CHST10: variants seen among roughly 807,000 people sequenced by gnomAD.
CHST10 encodes the protein HNK-1 sulfotransferase.
A neutral mutation model predicts 34.7 loss-of-function variants in CHST10; 24 were observed. The ratio of observed to expected loss-of-function variants is 0.69; its 90% CI spans 0.50 to 0.97. The LOEUF is 0.97. CHST10 is among the 50% of genes least tolerant of loss of function. CHST10 has a pLI of 0.00. For synonymous variants in CHST10, 161 were observed against 169.3 expected (o/e 0.95, Z 0.38); for missense variants, 402 against 452.1 (o/e 0.89, Z 1.00).
chr2:100,394,334 G>C (rs1288791240), intron 6 of CHST10, among the ~76,000 whole-genome samples: 1 of 152,194 alleles, frequency 6.6e-6, no homozygotes, highest in Non-Finnish European at 1.5e-5. Flanking sequence ...TGGCCCTGGG[G>C]AGGAGGGCCG....
At chr2:100,410,503 C>T (rs959395855) in intron 2 of CHST10, among the ~76,000 whole-genome samples, 1 of 152,224 alleles carries the variant, frequency 6.6e-6, no homozygotes, top group Non-Finnish European at 1.5e-5. Flanking sequence ...TGCTGAATGA[C>T]TGTGTCAATT....
intron 2 of CHST10, chr2:100,408,230 G>A (rs559725975): frequency 6.6e-6 from 1 of 151,528 alleles, no homozygotes; most frequent in South Asian, 2.1e-4. Flanking sequence ...TTAACCGAGT[G>A]TACTGTAGTT....
At chr2:100,399,673 C>G (rs951245440) in intron 4 of CHST10, among the ~76,000 whole-genome samples, 1 of 152,146 alleles carries the variant, frequency 6.6e-6, no homozygotes, top group Admixed American at 6.5e-5. Context: ...CCCCTCAGGG[C>G]CCCCCACCCA....
At chr2:100,399,759 T>A (rs1203107436) in intron 4 of CHST10, among the ~76,000 whole-genome samples, 1 of 152,166 alleles carries the variant, frequency 6.6e-6, no homozygotes, top group Non-Finnish European at 1.5e-5. Flanking sequence ...TTCTCCCTTG[T>A]GTGTTTAAGT....
At chr2:100,397,877 C>T (rs777489160) in intron 5 of CHST10, 31 bp downstream of exon 5, 1 of 1,564,402 alleles carries the variant, frequency 6.4e-7, no homozygotes, top group East Asian at 2.2e-5. Flanking sequence ...CAAGACCCTT[C>T]CCAGTGGACA....
In CHST10 at chr2:100,399,088, ATCTC is replaced by A. The variant is rs1308325968; in HGVS notation, c.193-950_193-947del. Among the ~76,000 whole-genome samples the A allele has an allele frequency of 1.3e-4, 19 of 142,912 alleles. 1 individual carries two copies. The highest frequency in any genetic ancestry group is 6.5e-4 in the East Asian group (3 of 4,642). 93.8% of individuals were successfully genotyped at this position (142,912 alleles called of 152,430 possible). A position where few individuals can be genotyped will look rare whatever the true frequency, so the allele number is the denominator to read the frequency against. On this transcript the variant is annotated intron_variant, in intron 4 of 6. Transcript: ENST00000264249. ...GCATTTTTAAGGCTTCAGCTGCTAC[ATCTC>A]TCTCTCTCTCTTTTTTTTTTTTTTT... is the stretch of plus-strand genomic sequence containing the variant.
At chr2:100,394,911 C>T (rs931426358) in intron 6 of CHST10, among the ~76,000 whole-genome samples, 5 of 150,870 alleles carry the variant, frequency 3.3e-5, no homozygotes, top group East Asian at 3.9e-4. Flanking sequence ...TTAGTAGAAA[C>T]GGGGTTTCTG....
rs1674852593 is a variant in CHST10 at position 100,392,779 on chromosome 2, T to C, written c.*466A>G. The C allele has an allele frequency of 5.9e-6, 1 of 169,760 alleles. No homozygotes were observed. The highest frequency in any genetic ancestry group is 1.3e-5 in the Non-Finnish European group (1 of 77,400). 10.5% of individuals were successfully genotyped at this position (169,760 alleles called of 1,614,324 possible). A position where few individuals can be genotyped will look rare whatever the true frequency, so the allele number is the denominator to read the frequency against. ...TCTGATGCTGCAAAAGTCTCTGCGA[T>C]TTCAGCAGCCCCCTTGCTTCTCTGT... is the stretch of plus-strand genomic sequence containing the variant. On this transcript the variant is annotated 3_prime_UTR_variant, in exon 7 of 7. Coordinates refer to ENST00000264249, the MANE Select transcript of CHST10 (RefSeq NM_004854.5).
intron 2 of CHST10, among the ~76,000 whole-genome samples, chr2:100,413,465 T>C (rs1325622367): frequency 6.6e-6 from 1 of 152,122 alleles, no homozygotes; most frequent in Non-Finnish European, 1.5e-5. Flanking sequence ...CCCACAAGGA[T>C]GAACTGGCAG....
At position 100,392,633 on chromosome 2, in the gene CHST10, C is replaced by G. The variant is rs1043648904; in HGVS notation, c.*612G>C. 1 of 157,906 alleles carries G rather than the reference C, an allele frequency of 6.3e-6. No individual in the cohort carries two copies. Among genetic ancestry groups the G allele is most frequent in the Non-Finnish European group, 1.4e-5 (1 of 71,190 alleles). 9.8% of individuals were successfully genotyped at this position (157,906 alleles called of 1,614,324 possible). ...TGGAAAGATGGACCCCTGGACACCA[C>G]ACCACCCTCTGGCCATCGCTGACTG... On this transcript the variant is annotated 3_prime_UTR_variant, in exon 7 of 7. Coordinates refer to ENST00000264249, the MANE Select transcript of CHST10 (RefSeq NM_004854.5).
Position 100,396,339 on chromosome 2 carries a change from C to T in CHST10, c.428-725G>A, listed in dbSNP as rs368014808. ...TGCTGAATGGAACTTGGGCAGAGAC[C>T]ATCCTAGGGTTGGTGGCTGAGCAGG... On this transcript the variant is annotated intron_variant, in intron 5 of 6. Coordinates refer to ENST00000264249, the MANE Select transcript of CHST10 (RefSeq NM_004854.5). Among the ~76,000 whole-genome samples, 29 of 152,340 alleles carry T rather than the reference C, an allele frequency of 1.9e-4. 1 individual carries two copies. Among genetic ancestry groups the T allele is most frequent in the African/African-American group, 7.0e-4 (29 of 41,580 alleles).
At chr2:100,404,154 T>A (rs917106847) in intron 3 of CHST10, among the ~76,000 whole-genome samples, 19 of 152,180 alleles carry the variant, frequency 1.2e-4, no homozygotes, top group Non-Finnish European at 1.5e-5. Flanking sequence ...TTAGGTAACA[T>A]CTCACGCGAG....
chr2:100,393,187 T>A lies in CHST10; in HGVS notation c.*58A>T. On this transcript the variant is annotated 3_prime_UTR_variant, in exon 7 of 7. Transcript: ENST00000264249. Reference sequence around the variant, plus strand: ...AGGAAGGGTCATTTCTGGGCTCAGATCTTCACCTGGTTAGCCCCAGGTCTA... The same window carrying A: ...AGGAAGGGTCATTTCTGGGCTCAGAACTTCACCTGGTTAGCCCCAGGTCTA... 1 of 1,558,902 alleles carries A rather than the reference T, an allele frequency of 6.4e-7. No individual in the cohort carries two copies. The highest frequency in any genetic ancestry group is 8.7e-7 in the Non-Finnish European group (1 of 1,142,900).
At position 100,417,446 on chromosome 2, in the gene CHST10, T is replaced by A. The variant is rs1280217226; in HGVS notation, c.-176A>T. On this transcript the variant is annotated 5_prime_UTR_variant, in exon 1 of 7. Coordinates refer to ENST00000264249, the MANE Select transcript of CHST10 (RefSeq NM_004854.5). ...CTGGGGGCGCCGCGCGGGTCGGGCTTCGCCGGGCCTGTGGGCGAAGCGCGC... is the reference window on the plus strand; with the variant it reads ...CTGGGGGCGCCGCGCGGGTCGGGCTACGCCGGGCCTGTGGGCGAAGCGCGC... The A allele has an allele frequency of 5.9e-6, 1 of 168,962 alleles. No individual in the cohort carries two copies. Among genetic ancestry groups the A allele is most frequent in the African/African-American group, 2.4e-5 (1 of 41,554 alleles). The allele number at this position is 168,962 out of a possible 1,614,324, so 10.5% of individuals were successfully genotyped here.
intron 2 of CHST10, among the ~76,000 whole-genome samples, chr2:100,409,463 T>G (rs1675725726): frequency 6.6e-6 from 1 of 152,144 alleles, no homozygotes; most frequent in Non-Finnish European, 1.5e-5. Context: ...GGATTTTCAT[T>G]TAAAAGTCAG....
chr2:100,394,902 T>A (rs1457070352), intron 6 of CHST10, among the ~76,000 whole-genome samples: 1 of 147,802 alleles, frequency 6.8e-6, no homozygotes, highest in Non-Finnish European at 1.5e-5. Flanking sequence ...TTTTTTTTTT[T>A]AGTAGAAACG....
intron 4 of CHST10, among the ~76,000 whole-genome samples, chr2:100,399,338 C>T (rs776812294): frequency 1.3e-5 from 2 of 152,272 alleles, no homozygotes; most frequent in African/African-American, 2.4e-5. Context: ...GATCTCCTGA[C>T]CTTGTGATCC....
At chr2:100,398,257 C>T (rs143090341) in intron 4 of CHST10, 115 bp from the exon 5 acceptor site, 6 of 713,068 alleles carry the variant, frequency 8.4e-6, no homozygotes, top group Non-Finnish European at 1.4e-5. Context: ...GCCTTCTCTT[C>T]TTCCCTTCCT....
At chr2:100,397,478 C>A (rs1389166635) in intron 5 of CHST10, among the ~76,000 whole-genome samples, 1 of 152,186 alleles carries the variant, frequency 6.6e-6, no homozygotes. Context: ...CCCTCCCAGG[C>A]TCTACAGTGT....
Sources: allele counts gnomAD v4.1 joint callset (sites outside exome capture counted in the v4.1 genomes callset), GRCh38; gene constraint gnomAD v4.1.1; transcripts MANE v1.5; gene names NCBI Gene and HGNC (gene_info 2026-07-23, HGNC 2026-07-21).